Variants in SWT1 observed in about 807,000 individuals in gnomAD.
SWT1 encodes the protein SWT1 RNA endoribonuclease homolog.
In SWT1, 33 loss-of-function variants were observed where a neutral mutation model predicts 107.3. That is an observed-to-expected ratio of 0.31 (90% CI 0.23 to 0.41). The LOEUF is 0.41. SWT1 is among the 10% of genes least tolerant of loss of function. SWT1 has a pLI of 1.00. For synonymous variants in SWT1, 345 were observed against 348.3 expected, an observed-to-expected ratio of 0.99 and a Z score of 0.11; for missense variants, 898 against 1,028.9, an observed-to-expected ratio of 0.87 and a Z score of 1.74.
intron 16 of SWT1, among the ~76,000 whole-genome samples, chr1:185,256,812 C>T (rs1435060272): frequency 6.6e-6 from 1 of 152,158 alleles, no homozygotes; most frequent in Non-Finnish European, 1.5e-5. Context: ...AGCTTTGTTC[C>T]ATTGCTGGTG....
At chr1:185,193,012 C>T (rs529461865) in intron 10 of SWT1, among the ~76,000 whole-genome samples, 5 of 152,080 alleles carry the variant, frequency 3.3e-5, no homozygotes, top group African/African-American at 1.2e-4. Flanking sequence ...AAACTTAGAT[C>T]ACTTATTTGG....
rs960508961 is a variant in SWT1, at chr1:185,186,818, G to A, written c.1429+1887G>A. Among the ~76,000 whole-genome samples, 17 of 150,214 alleles carry A rather than the reference G, an allele frequency of 1.1e-4. No homozygotes were observed. The South Asian group carries it at 1.3e-3, about 11-fold the overall frequency. On this transcript the variant is annotated intron_variant, in intron 9 of 18. Transcript: ENST00000367500. The stretch of plus-strand genomic sequence containing the variant: ...CACGCAGGCTGGAGTGCAGTGGCAT[G>A]ATCTCAGCTCACTGCAACCTCCACC...
intron 4 of SWT1, chr1:185,171,719 T>G: frequency 2.1e-6 from 1 of 467,356 alleles, no homozygotes; most frequent in Non-Finnish European, 4.2e-6. Context: ...ATGGTGGCAG[T>G]GAAGGCAGAA....
At chr1:185,260,203 G>A (rs531820350) in intron 16 of SWT1, among the ~76,000 whole-genome samples, 74 of 152,266 alleles carry the variant, frequency 4.9e-4, no homozygotes, top group African/African-American at 1.8e-3. Flanking sequence ...GAAATTTGAG[G>A]TAAAAACCAG....
chr1:185,161,117 T>A (rs1654109432), intron 2 of SWT1, among the ~76,000 whole-genome samples, 192 bp downstream of exon 2: 1 of 152,204 alleles, frequency 6.6e-6, no homozygotes. Context: ...ATGAGGTGGG[T>A]ACTATTATTC....
At chr1:185,185,304 T>C (rs1228034795) in intron 9 of SWT1, among the ~76,000 whole-genome samples, 1 of 152,216 alleles carries the variant, frequency 6.6e-6, no homozygotes, top group East Asian at 1.9e-4. Flanking sequence ...GTGGAGACGA[T>C]GTTGCTTTCC....
intron 16 of SWT1, among the ~76,000 whole-genome samples, chr1:185,236,842 T>C (rs9730169): frequency 0.38 from 58,297 of 151,862 alleles, 11,886 homozygotes; most frequent in African/African-American, 0.52. Flanking sequence ...ATCCAGAATA[T>C]ACAAAGAACT....
At chr1:185,159,939 G>A (rs184296005) in intron 1 of SWT1, among the ~76,000 whole-genome samples, 41 of 152,160 alleles carry the variant, frequency 2.7e-4, no homozygotes, top group Admixed American at 7.2e-4. Context: ...GGCCATGCTG[G>A]TCTTGAACTC....
At chr1:185,228,165 ATGT>A (rs1457284730) in intron 15 of SWT1, among the ~76,000 whole-genome samples, 2,627 of 139,520 alleles carry the variant, frequency 0.019, 88 homozygotes, top group African/African-American at 0.069. Context: ...TTAAAAAAAA[ATGT>A]GTATATATAT....
At chr1:185,283,043 A>G (rs1204930996) in intron 18 of SWT1, among the ~76,000 whole-genome samples, 1 of 152,166 alleles carries the variant, frequency 6.6e-6, no homozygotes, top group Non-Finnish European at 1.5e-5. Context: ...AGGTAGATGA[A>G]GAGGAGATAC....
At chr1:185,249,563 C>G (rs1403391193) in intron 16 of SWT1, among the ~76,000 whole-genome samples, 2 of 152,122 alleles carry the variant, frequency 1.3e-5, no homozygotes, top group Non-Finnish European at 1.5e-5. Context: ...CTGGGTATGG[C>G]TCCTTCAGCA....
At chr1:185,183,435 C>T (rs1571438321) in intron 7 of SWT1, among the ~76,000 whole-genome samples, 2 of 151,858 alleles carry the variant, frequency 1.3e-5, no homozygotes, top group South Asian at 4.2e-4. Flanking sequence ...GGACTACAGG[C>T]GTGTGCCACC....
chr1:185,232,598 G>C (rs962502850), intron 16 of SWT1, among the ~76,000 whole-genome samples: 1 of 152,196 alleles, frequency 6.6e-6, no homozygotes, highest in Non-Finnish European at 1.5e-5. Context: ...GGGAGGAAGG[G>C]TTGGCAAAAG....
chr1:185,250,947 G>A (rs1661969133), intron 16 of SWT1, among the ~76,000 whole-genome samples: 1 of 152,200 alleles, frequency 6.6e-6, no homozygotes, highest in Non-Finnish European at 1.5e-5. Flanking sequence ...ACAGGTATGA[G>A]CCACTGCACC....
chr1:185,256,845 A>G (rs963328517), intron 16 of SWT1, among the ~76,000 whole-genome samples: 2 of 152,294 alleles, frequency 1.3e-5, no homozygotes, highest in Admixed American at 1.3e-4. Flanking sequence ...CCTTTGGAAG[A>G]GGAGAGGTGC....
In SWT1 at chr1:185,275,440, A is replaced by G. The variant is rs956102509; in HGVS notation, c.2509-1164A>G. 2.7e-5 allele frequency among the ~76,000 whole-genome samples: 4 copies of G among 148,630 alleles called. No individual in the cohort carries two copies. In the East Asian group the frequency reaches 5.8e-4, roughly 22 times the overall value. On this transcript the variant is annotated intron_variant, in intron 17 of 18. Transcript: ENST00000367500. The stretch of plus-strand genomic sequence containing the variant: ...ATAATCATTAAATATAATATCAAAT[A>G]TTATATAATTAAATAATACTAAATA...
chr1:185,168,507 A>C, intron 4 of SWT1, 109 bp downstream of exon 4: 1 of 476,068 alleles, frequency 2.1e-6, no homozygotes, highest in Non-Finnish European at 3.4e-6. Flanking sequence ...TTTGCATGCA[A>C]ATATCTCTAG....
At chr1:185,175,244 A>C in intron 5 of SWT1, 131 bp downstream of exon 5, 2 of 814,618 alleles carry the variant, frequency 2.5e-6, no homozygotes, top group Non-Finnish European at 3.5e-6. Context: ...TGTTTTTGAG[A>C]CAGGGTCTCA....
intron 18 of SWT1, among the ~76,000 whole-genome samples, chr1:185,289,650 A>T (rs1465219465): frequency 6.6e-6 from 1 of 152,220 alleles, no homozygotes; most frequent in Non-Finnish European, 1.5e-5. Context: ...AATGTGGGAT[A>T]TATACACAGT....
Sources: allele counts gnomAD v4.1 joint callset (sites outside exome capture counted in the v4.1 genomes callset), GRCh38; gene constraint gnomAD v4.1.1; transcripts MANE v1.5; gene names NCBI Gene and HGNC (gene_info 2026-07-23, HGNC 2026-07-21).